PCDHGB7: variants seen among roughly 807,000 people sequenced by gnomAD.
PCDHGB7 encodes the protein protocadherin gamma-B7.
PCDHGB7 carries 37 observed loss-of-function variants against 61.4 expected under a neutral mutation model. That is an observed-to-expected ratio of 0.60 (90% confidence interval 0.46 to 0.79). PCDHGB7 has a LOEUF of 0.79. Among genes scored for constraint, PCDHGB7 ranks in the 30% least tolerant of loss-of-function variants. The probability of loss-of-function intolerance (pLI) is 0.00; values close to 1 mark genes in which losing one functional copy is unlikely to be tolerated. For missense variants in PCDHGB7, 1,166 were observed against 1,202.5 expected, an observed-to-expected ratio of 0.97 and a Z score of 0.45; for synonymous variants, 464 against 503.5, an observed-to-expected ratio of 0.92 and a Z score of 1.05.
chr5:141,462,477 G>A (rs1430561580), intron 1 of PCDHGB7, among the ~76,000 whole-genome samples: 1 of 151,828 alleles, frequency 6.6e-6, no homozygotes, highest in East Asian at 1.9e-4. Flanking sequence ...TCTGCTTCTC[G>A]TGGTTGTTGT....
intron 1 of PCDHGB7, among the ~76,000 whole-genome samples, chr5:141,445,961 G>C (rs944876169): frequency 6.6e-6 from 1 of 152,158 alleles, no homozygotes; most frequent in Non-Finnish European, 1.5e-5. Flanking sequence ...GCTATATGGA[G>C]AATTGATTTA....
intron 1 of PCDHGB7, chr5:141,441,396 C>T (rs2098244328): frequency 6.5e-6 from 1 of 154,724 alleles, no homozygotes; most frequent in Admixed American, 6.5e-5. Flanking sequence ...GGTATAACAT[C>T]AGCATCACTG....
At position 141,485,286 on chromosome 5, in the gene PCDHGB7, A is replaced by G; in HGVS notation, c.2416-9521A>G. The G allele has an allele frequency of 2.5e-6, 4 of 1,614,044 alleles. No individual in the cohort carries two copies. On this transcript the variant is annotated intron_variant, in intron 1 of 3. Transcript: ENST00000398594. This position sits in a 1 kb window ranked among gnomAD's most constrained non-coding sequence, Gnocchi z 5.7. ...CAGATCCGCTACCCGGTCCCAGAGG[A>G]GTCACAGGAAGGGACTTTTGTAGGG...
At chr5:141,430,396 A>G (rs1433813025) in intron 1 of PCDHGB7, among the ~76,000 whole-genome samples, 5 of 151,842 alleles carry the variant, frequency 3.3e-5, no homozygotes, top group Non-Finnish European at 7.4e-5. Context: ...AAAAAAAAAA[A>G]GCTCACTAAA....
At chr5:141,449,022 A>G (rs2154562454) in intron 1 of PCDHGB7, among the ~76,000 whole-genome samples, 1 of 152,312 alleles carries the variant, frequency 6.6e-6, no homozygotes, top group Admixed American at 6.5e-5. Context: ...GTTGCTTAGC[A>G]TTCCTTTGGA....
chr5:141,428,167 G>GCGTGA (rs746443726), intron 1 of PCDHGB7: 3 of 1,548,998 alleles, frequency 1.9e-6, no homozygotes, highest in South Asian at 1.1e-5. Context: ...TGGTTGCTGT[G>GCGTGA]CGTGACGGAG....
At chr5:141,503,178 T>C (rs988629461) in intron 2 of PCDHGB7, among the ~76,000 whole-genome samples, 56 of 151,998 alleles carry the variant, frequency 3.7e-4, no homozygotes, top group African/African-American at 1.3e-3. Flanking sequence ...TACTCTATTG[T>C]GTAATTATTT....
rs1379095967 is a variant in PCDHGB7 at position 141,422,752 on chromosome 5, A to C, written c.2415+2478A>C. The C allele has an allele frequency of 6.2e-7, 1 of 1,612,064 alleles. No homozygotes were observed. The highest frequency in any genetic ancestry group is 1.3e-5 in the African/African-American group (1 of 74,892). On this transcript the variant is annotated intron_variant, in intron 1 of 3. Transcript: ENST00000398594. The stretch of plus-strand genomic sequence containing the variant: ...GCCTCTGTCCTCCTATGTCTCTATT[A>C]ACTCCAACACTGGTGTTCTCTATGC...
At chr5:141,453,608 C>T (rs1015022396) in intron 1 of PCDHGB7, among the ~76,000 whole-genome samples, 6 of 152,068 alleles carry the variant, frequency 3.9e-5, no homozygotes, top group South Asian at 2.1e-4. Context: ...TTTTGCAAAA[C>T]GCAAAAACAA....
At chr5:141,441,863 C>A in intron 1 of PCDHGB7, 2 of 342,418 alleles carry the variant, frequency 5.8e-6, no homozygotes, top group African/African-American at 2.2e-5. Flanking sequence ...CTGCACGCCG[C>A]GGAGCCTGGC....
intron 1 of PCDHGB7, among the ~76,000 whole-genome samples, chr5:141,461,917 G>A (rs527287831): frequency 6.6e-6 from 1 of 152,098 alleles, no homozygotes; most frequent in South Asian, 2.1e-4. Flanking sequence ...TCTGCCTCCT[G>A]GGTTCCAGCA....
At position 141,432,025 on chromosome 5, in the gene PCDHGB7, G is replaced by C. The variant is rs768627576; in HGVS notation, c.2415+11751G>C. 2 of 1,614,158 alleles carry C rather than the reference G, an allele frequency of 1.2e-6. No homozygotes were observed. The highest frequency in any genetic ancestry group is 3.3e-4 in the Middle Eastern group (2 of 6,062). ...AGGTTCCTAGCTACAACATCACAGTGACCGCCACTGACCGGGGAACCCCGC... is the reference window on the plus strand; with the variant it reads ...AGGTTCCTAGCTACAACATCACAGTCACCGCCACTGACCGGGGAACCCCGC... On this transcript the variant is annotated intron_variant, in intron 1 of 3. Transcript: ENST00000398594. The surrounding 1 kb of genome is among the most constrained non-coding windows in gnomAD (Gnocchi z 6.0).
rs2099718995 is a variant in PCDHGB7 at position 141,491,523 on chromosome 5, G to A, written c.2416-3284G>A. On this transcript the variant is annotated intron_variant, in intron 1 of 3. Transcript: ENST00000398594. This position sits in a 1 kb window ranked among gnomAD's most constrained non-coding sequence, Gnocchi z 6.9. ...CGGACGGCACGCTCAAGTACATGGAGGTGACGCTGCGGCCCACAGACTCGC... is the reference window on the plus strand; with the variant it reads ...CGGACGGCACGCTCAAGTACATGGAAGTGACGCTGCGGCCCACAGACTCGC... The A allele has an allele frequency of 3.1e-6, 5 of 1,613,954 alleles. No individual in the cohort carries two copies. The highest frequency in any genetic ancestry group is 3.4e-6 in the Non-Finnish European group (4 of 1,180,032).
At chr5:141,470,734 G>A (rs970003510) in intron 1 of PCDHGB7, among the ~76,000 whole-genome samples, 1 of 152,128 alleles carries the variant, frequency 6.6e-6, no homozygotes, top group Non-Finnish European at 1.5e-5. Context: ...GTCTTGCTCT[G>A]TCGCCCTGGC....
At position 141,477,579 on chromosome 5, in the gene PCDHGB7, A is replaced by G. The variant is rs774773400; in HGVS notation, c.2416-17228A>G. The stretch of plus-strand genomic sequence containing the variant: ...AGTGTCTGGGACCCCGACGCCCCGC[A>G]GAATGCTCGGCTTTCTTTCTTTCTC... On this transcript the variant is annotated intron_variant, in intron 1 of 3. Coordinates refer to ENST00000398594, the MANE Select transcript of PCDHGB7 (RefSeq NM_018927.4). The surrounding 1 kb of genome is among the most constrained non-coding windows in gnomAD (Gnocchi z 4.9). The G allele has an allele frequency of 1.7e-5, 27 of 1,614,036 alleles. No individual in the cohort carries two copies. The highest frequency in any genetic ancestry group is 2.0e-5 in the Non-Finnish European group (24 of 1,180,036).
At position 141,490,551 on chromosome 5, in the gene PCDHGB7, T is replaced by A; in HGVS notation, c.2416-4256T>A. On this transcript the variant is annotated intron_variant, in intron 1 of 3. Coordinates refer to ENST00000398594, the MANE Select transcript of PCDHGB7 (RefSeq NM_018927.4). This position sits in a 1 kb window ranked among gnomAD's most constrained non-coding sequence, Gnocchi z 5.4. ...CTGGTTCACCTTCCCTACACAAACA[T>A]CTCACCATCAGGCTCAACATTTCAG... is the stretch of plus-strand genomic sequence containing the variant. 1 of 1,614,088 alleles carries A rather than the reference T, an allele frequency of 6.2e-7. No individual in the cohort carries two copies. Among genetic ancestry groups the A allele is most frequent in the East Asian group, 2.2e-5 (1 of 44,874 alleles).
rs1374057056 is a variant in PCDHGB7 at position 141,419,656 on chromosome 5, G to A, written c.1797G>A (p.Gly599=). 15 of 1,612,528 alleles carry A rather than the reference G, an allele frequency of 9.3e-6. No homozygotes were observed. Among genetic ancestry groups the A allele is most frequent in the Non-Finnish European group, 8.5e-6 (10 of 1,179,780 alleles). Reference sequence around the variant, plus strand: ...TGGTGGCCGTGGACGCGGACTCGGGGCACAATGCCTGGCTGTCCTACCACG... The same window carrying A: ...TGGTGGCCGTGGACGCGGACTCGGGACACAATGCCTGGCTGTCCTACCACG... The part of the protein sequence containing the change: ...TKVVAVDADS[G]HNAWLSYHVV... Residue 599 remains glycine (G), a synonymous_variant, in exon 1 of 4, where the codon GGG becomes GGA. Transcript: ENST00000398594.
At chr5:141,483,361 A>G (rs752805137) in intron 1 of PCDHGB7, among the ~76,000 whole-genome samples, 1 of 152,102 alleles carries the variant, frequency 6.6e-6, no homozygotes, top group South Asian at 2.1e-4. Context: ...TTTGAAAGCT[A>G]TTGCAATATT....
Position 141,489,213 on chromosome 5 carries a change from T to G in PCDHGB7, c.2416-5594T>G, listed in dbSNP as rs372898969. 11 of 1,473,392 alleles carry G rather than the reference T, an allele frequency of 7.5e-6. No homozygotes were observed. The highest frequency in any genetic ancestry group is 6.4e-6 in the Non-Finnish European group (7 of 1,091,332). 91.3% of individuals were successfully genotyped at this position (1,473,392 alleles called of 1,614,324 possible). On this transcript the variant is annotated intron_variant, in intron 1 of 3. Coordinates refer to ENST00000398594, the MANE Select transcript of PCDHGB7 (RefSeq NM_018927.4). This position sits in a 1 kb window ranked among gnomAD's most constrained non-coding sequence, Gnocchi z 4.5. Reference sequence around the variant, plus strand: ...ACCTTGGAGACAGGACAGCACAGACTTACTCTCCACAAAGGGACTTCTGGG... The same window carrying G: ...ACCTTGGAGACAGGACAGCACAGACGTACTCTCCACAAAGGGACTTCTGGG...
Sources: gnomAD v4.1 joint callset for allele counts (sites outside exome capture counted in the v4.1 genomes callset) on GRCh38, gnomAD v4.1.1 for gene constraint, Gnocchi (gnomAD v3.1) non-coding constraint, MANE v1.5 for transcripts, NCBI Gene and HGNC (gene_info 2026-07-23, HGNC 2026-07-21) for gene names.